Variants in C21orf91 observed in about 807,000 individuals in gnomAD.
C21orf91 encodes the protein chromosome 21 open reading frame 91.
Under a neutral mutation model 32.9 loss-of-function variants are expected in C21orf91, and 26 were observed. That is an observed-to-expected ratio of 0.79 (90% CI 0.58 to 1.10). C21orf91 has a LOEUF of 1.10. C21orf91 is among the 50% of genes least tolerant of loss of function. C21orf91 has a pLI of 0.00. For missense variants in C21orf91, 310 were observed against 341.3 expected (o/e 0.91, Z 0.72); for synonymous variants, 126 against 120.4 (o/e 1.05, Z -0.31).
chr21:17,799,185 T>C (rs773968067), intron 2 of C21orf91, among the ~76,000 whole-genome samples: 4 of 152,162 alleles, frequency 2.6e-5, no homozygotes, highest in Admixed American at 6.5e-5. Context: ...GATAAAAAAG[T>C]ACATTAAATA....
chr21:17,816,159 A>C (rs2062663806), intron 2 of C21orf91, among the ~76,000 whole-genome samples: 1 of 152,258 alleles, frequency 6.6e-6, no homozygotes, highest in Admixed American at 6.5e-5. Flanking sequence ...AATAGTTCTA[A>C]TTCAAATTGA....
intron 2 of C21orf91, among the ~76,000 whole-genome samples, chr21:17,802,111 A>G (rs1164940015): frequency 1.3e-5 from 2 of 152,174 alleles, no homozygotes; most frequent in African/African-American, 4.8e-5. Flanking sequence ...AATCCATCCT[A>G]AAAGTGCAAA....
At chr21:17,811,286 T>TA (rs2062630887) in intron 2 of C21orf91, 1 of 152,170 alleles carries the variant, frequency 6.6e-6, no homozygotes, top group South Asian at 2.1e-4. Context: ...AGAATAAAAT[T>TA]AAAAACTGTA....
intron 2 of C21orf91, among the ~76,000 whole-genome samples, chr21:17,799,181 A>G (rs2062542023): frequency 6.6e-6 from 1 of 152,204 alleles, no homozygotes; most frequent in Non-Finnish European, 1.5e-5. Flanking sequence ...CTCCGATAAA[A>G]AAGTACATTA....
At chr21:17,801,251 G>A (rs2062557445) in intron 2 of C21orf91, among the ~76,000 whole-genome samples, 1 of 151,404 alleles carries the variant, frequency 6.6e-6, no homozygotes, top group South Asian at 2.1e-4. Context: ...TCTAACACAG[G>A]AACAGAAAAC....
chr21:17,813,358 CAG>C (rs1315375846), intron 2 of C21orf91, among the ~76,000 whole-genome samples: 1 of 152,146 alleles, frequency 6.6e-6, no homozygotes, highest in Non-Finnish European at 1.5e-5. Flanking sequence ...TGACCACAAA[CAG>C]TATATGGTAA....
At position 17,818,227 on chromosome 21, in the gene C21orf91, G is replaced by T; in HGVS notation, c.92C>A (p.Ser31Tyr). The T allele has an allele frequency of 6.2e-7, 1 of 1,610,288 alleles. No homozygotes were observed. The highest frequency in any genetic ancestry group is 8.5e-7 in the Non-Finnish European group (1 of 1,176,604). The change falls in exon 2 of 5, where the codon TCC becomes TAC. Residue 31 changes from serine (S) to tyrosine (Y), a missense_variant. Transcript: ENST00000284881. ...CKLGTDKETL[S>Y]FCHICFELNI... ...TAGCTCAAAACAAATGTGGCAGAAGGAGAGTGTTTCTTTGTCTGTTCCCAG... is the reference window on the plus strand; with the variant it reads ...TAGCTCAAAACAAATGTGGCAGAAGTAGAGTGTTTCTTTGTCTGTTCCCAG...
intron 4 of C21orf91, among the ~76,000 whole-genome samples, chr21:17,793,908 T>C (rs1466276623): frequency 6.6e-6 from 1 of 152,208 alleles, no homozygotes; most frequent in East Asian, 1.9e-4. Context: ...CATAATGTGA[T>C]TTATGGACAA....
At chr21:17,795,324 G>A in intron 3 of C21orf91, 54 bp from the exon 4 acceptor site, 1 of 1,145,474 alleles carries the variant, frequency 8.7e-7, no homozygotes, top group Non-Finnish European at 1.3e-6. Flanking sequence ...AAAACATGCT[G>A]CTTACATCAC....
intron 2 of C21orf91, among the ~76,000 whole-genome samples, chr21:17,815,762 G>A (rs1183862869): frequency 6.6e-6 from 1 of 152,112 alleles, no homozygotes; most frequent in Admixed American, 6.5e-5. Flanking sequence ...CTGGGTTCAA[G>A]CGATTCTCTT....
intron 2 of C21orf91, among the ~76,000 whole-genome samples, chr21:17,811,628 A>G (rs1481331210): frequency 6.6e-6 from 1 of 152,154 alleles, no homozygotes. Flanking sequence ...TAAAAACTGT[A>G]TCTTTGAGAA....
intron 2 of C21orf91, among the ~76,000 whole-genome samples, chr21:17,808,768 T>A (rs538835051): frequency 2.6e-5 from 4 of 152,292 alleles, no homozygotes; most frequent in African/African-American, 7.2e-5. Context: ...GGTGATTGTA[T>A]TTTGCAATGT....
chr21:17,812,547 C>T (rs1027757567), intron 2 of C21orf91, among the ~76,000 whole-genome samples: 6 of 152,170 alleles, frequency 3.9e-5, no homozygotes, highest in Non-Finnish European at 5.9e-5. Flanking sequence ...CGGTGGCTCA[C>T]GCCTGTAATC....
At chr21:17,813,575 A>T (rs749169217) in intron 2 of C21orf91, among the ~76,000 whole-genome samples, 10 of 152,226 alleles carry the variant, frequency 6.6e-5, no homozygotes, top group Non-Finnish European at 1.3e-4. Flanking sequence ...TTACTCATCA[A>T]CTAGCAAGGT....
At chr21:17,805,433 C>T (rs2062588023) in intron 2 of C21orf91, among the ~76,000 whole-genome samples, 1 of 152,166 alleles carries the variant, frequency 6.6e-6, no homozygotes, top group South Asian at 2.1e-4. Context: ...CCTGCCTCAG[C>T]CTCCCGGGTA....
At chr21:17,815,551 A>AATT (rs963691677) in intron 2 of C21orf91, among the ~76,000 whole-genome samples, 4 of 151,940 alleles carry the variant, frequency 2.6e-5, no homozygotes, top group African/African-American at 9.7e-5. Context: ...TCTAGTATGT[A>AATT]ATTATTATTA....
intron 2 of C21orf91, among the ~76,000 whole-genome samples, chr21:17,812,674 T>C (rs2062640106): frequency 6.6e-6 from 1 of 151,762 alleles, no homozygotes; most frequent in Non-Finnish European, 1.5e-5. Flanking sequence ...CCAGGCATGG[T>C]GGTGGGCGCC....
At chr21:17,815,155 T>TA (rs1422719591) in intron 2 of C21orf91, among the ~76,000 whole-genome samples, 2 of 152,238 alleles carry the variant, frequency 1.3e-5, no homozygotes, top group African/African-American at 4.8e-5. Flanking sequence ...AACAAGAGGC[T>TA]AATTGATTAG....
At chr21:17,795,417 C>T in intron 3 of C21orf91, 147 bp from the exon 4 acceptor site, 1 of 631,104 alleles carries the variant, frequency 1.6e-6, no homozygotes, top group South Asian at 1.8e-5. Context: ...ACCATTAACG[C>T]TCGTAAGTGT....
Sources: gnomAD v4.1 joint callset for allele counts (sites outside exome capture counted in the v4.1 genomes callset) on GRCh38, gnomAD v4.1.1 for gene constraint, MANE v1.5 for transcripts, NCBI Gene and HGNC (gene_info 2026-07-23, HGNC 2026-07-21) for gene names.